The following NINL variants were observed in gnomAD, a reference collection of about 807,000 sequenced individuals.
The protein encoded by NINL is ninein like.
Under a neutral mutation model 160.3 loss-of-function variants are expected in NINL, and 153 were observed. The observed-to-expected ratio is 0.95, with a 90% CI of 0.84 to 1.09. The LOEUF is 1.09. Ranked by LOEUF, NINL falls within the 50% of genes least tolerant of loss-of-function variation. The pLI, the probability that NINL is intolerant of heterozygous loss-of-function variation, is 0.00. For missense variants in NINL, 1,829 were observed against 1,764.0 expected (o/e 1.04, Z -0.66); for synonymous variants, 800 against 734.8 (o/e 1.09, Z -1.43).
At chr20:25,551,337 T>C (rs529635311) in intron 1 of NINL, among the ~76,000 whole-genome samples, 8 of 150,808 alleles carry the variant, frequency 5.3e-5, no homozygotes, top group South Asian at 2.1e-4. Context: ...CCCCACACAT[T>C]CCAGCCTGGG....
chr20:25,479,680 CACA>C (rs905024821), intron 15 of NINL, among the ~76,000 whole-genome samples: 44 of 152,286 alleles, frequency 2.9e-4, no homozygotes, highest in African/African-American at 1.0e-3. Flanking sequence ...GAACTGGACA[CACA>C]ACAAGTCATG....
intron 1 of NINL, among the ~76,000 whole-genome samples, chr20:25,572,301 C>T (rs1695752486): frequency 6.6e-6 from 1 of 151,796 alleles, no homozygotes. Flanking sequence ...AAAAACGGCC[C>T]CAGGAGATTT....
At chr20:25,560,984 CT>C in intron 1 of NINL, among the ~76,000 whole-genome samples, 1 of 129,942 alleles carries the variant, frequency 7.7e-6, no homozygotes, top group Non-Finnish European at 1.7e-5. Flanking sequence ...CCCTCTCTCT[CT>C]CCCTCCTCTC....
chr20:25,579,597 C>T (rs967922066), intron 1 of NINL, among the ~76,000 whole-genome samples: 22 of 152,126 alleles, frequency 1.4e-4, no homozygotes, highest in African/African-American at 2.9e-4. Context: ...TGGAGACAGC[C>T]GGGGGAGGCC....
intron 10 of NINL, 36 bp downstream of exon 10, chr20:25,496,627 C>T (rs755133399): frequency 6.2e-7 from 1 of 1,609,992 alleles, no homozygotes; most frequent in Non-Finnish European, 8.5e-7. Flanking sequence ...CTGGGGAGGC[C>T]CAGGTAAGAA....
At chr20:25,483,960 G>C (rs1242052192) in intron 13 of NINL, among the ~76,000 whole-genome samples, 2 of 152,172 alleles carry the variant, frequency 1.3e-5, no homozygotes, top group Non-Finnish European at 2.9e-5. Flanking sequence ...GATGCCACGG[G>C]ACTTCCAGGA....
Position 25,522,378 on chromosome 20 carries a change from T to C in NINL, c.180+4030A>G, listed in dbSNP as rs143429384. Among the ~76,000 whole-genome samples, 15 of 152,338 alleles carry C rather than the reference T, an allele frequency of 9.8e-5. No homozygotes were observed. The East Asian group carries it at 2.9e-3, about 29-fold the overall frequency. ...AACATCTGAACTGCTTCTTCCTTTTTTTAGGGCTGCAAAAAGATTTCAACA... is the reference window on the plus strand; with the variant it reads ...AACATCTGAACTGCTTCTTCCTTTTCTTAGGGCTGCAAAAAGATTTCAACA... On this transcript the variant is annotated intron_variant, in intron 2 of 23. Transcript: ENST00000278886.
In NINL at chr20:25,476,859, AGCTCCAAC is replaced by A. The variant is rs2063264437; in HGVS notation, c.2424_2431del (p.Glu808AspfsTer55). 1.2e-6 allele frequency: 2 copies of A among 1,613,270 alleles called. No individual in the cohort carries two copies. Among genetic ancestry groups the A allele is most frequent in the African/African-American group, 2.7e-5 (2 of 74,914 alleles). On this transcript the variant is annotated frameshift_variant, in exon 17 of 24. Coordinates refer to ENST00000278886, the MANE Select transcript of NINL (RefSeq NM_025176.6). LOFTEE classifies it high-confidence loss of function. ...CCCGTCCACTCGCTTCCCGCGGGCA[AGCTCCAAC>A]TCCTCCTCCTCGAGGGCCAACGATA...
chr20:25,566,171 G>C (rs1568970298), intron 1 of NINL, among the ~76,000 whole-genome samples: 1 of 152,142 alleles, frequency 6.6e-6, no homozygotes, highest in Non-Finnish European at 1.5e-5. Context: ...GGTCTCTCTG[G>C]AGAACCCTCA....
chr20:25,573,186 A>G (rs1379380743), intron 1 of NINL, among the ~76,000 whole-genome samples: 2 of 151,768 alleles, frequency 1.3e-5, no homozygotes, highest in African/African-American at 4.8e-5. Flanking sequence ...AGTGCCAGCT[A>G]CTCGGGAGGC....
At chr20:25,554,636 C>CA (rs747557892) in intron 1 of NINL, among the ~76,000 whole-genome samples, 17 of 85,784 alleles carry the variant, frequency 2.0e-4, no homozygotes, top group African/African-American at 9.8e-4. Flanking sequence ...AAAAAAAAAA[C>CA]AAAAAAAAAA....
intron 4 of NINL, among the ~76,000 whole-genome samples, chr20:25,512,547 G>C (rs994634323): frequency 6.6e-6 from 1 of 152,164 alleles, no homozygotes; most frequent in African/African-American, 2.4e-5. Flanking sequence ...CCACGATTGT[G>C]AGTTTCCTGA....
Position 25,453,466 on chromosome 20 carries a change from T to C in NINL, c.4134A>G (p.Ala1378=). 7.5e-6 allele frequency: 12 copies of C among 1,610,726 alleles called. No individual in the cohort carries two copies. The highest frequency in any genetic ancestry group is 1.0e-5 in the Non-Finnish European group (12 of 1,178,462). Reference sequence around the variant, plus strand: ...TAATCTGTCTTTACACAGAGAGGGCTGCGGGGGCAATCCTACTGACGAGTT... The same window carrying C: ...TAATCTGTCTTTACACAGAGAGGGCCGCGGGGGCAATCCTACTGACGAGTT... ...LNKLVSRIAP[A]ALSV is the part of the protein sequence containing the mutation. Residue 1378 remains alanine, a synonymous_variant, in exon 24 of 24, where the codon GCA becomes GCG. Coordinates refer to ENST00000278886, the MANE Select transcript of NINL (RefSeq NM_025176.6).
chr20:25,556,509 C>T (rs992033571), intron 1 of NINL, among the ~76,000 whole-genome samples: 1 of 152,030 alleles, frequency 6.6e-6, no homozygotes, highest in Non-Finnish European at 1.5e-5. Flanking sequence ...ACTGTATTCC[C>T]AGCTACTTGG....
At chr20:25,505,447 G>A (rs947721736) in intron 5 of NINL, among the ~76,000 whole-genome samples, 3 of 152,188 alleles carry the variant, frequency 2.0e-5, no homozygotes, top group African/African-American at 4.8e-5. Flanking sequence ...TTTGCTAAGA[G>A]AGTCTATCTC....
chr20:25,459,174 T>C (rs1002191812), intron 21 of NINL, among the ~76,000 whole-genome samples: 1 of 152,170 alleles, frequency 6.6e-6, no homozygotes, highest in African/African-American at 2.4e-5. Flanking sequence ...ACGCCACCCC[T>C]TACTCACCTG....
At chr20:25,545,499 G>T in intron 1 of NINL, among the ~76,000 whole-genome samples, 1 of 151,880 alleles carries the variant, frequency 6.6e-6, no homozygotes, top group African/African-American at 2.4e-5. Context: ...TCTGAATGGT[G>T]CCCTCCTCTC....
chr20:25,485,823 TAC>T (rs2063494727), intron 13 of NINL, among the ~76,000 whole-genome samples: 1 of 152,366 alleles, frequency 6.6e-6, no homozygotes, highest in African/African-American at 2.4e-5. Context: ...CAGTGGATTC[TAC>T]AGTGTTCTGT....
At chr20:25,481,211 T>C (rs1461962377) in intron 14 of NINL, among the ~76,000 whole-genome samples, 1 of 152,114 alleles carries the variant, frequency 6.6e-6, no homozygotes, top group Non-Finnish European at 1.5e-5. Context: ...GGGGCTGAGG[T>C]TGCCATGACG....
Sources: allele counts gnomAD v4.1 joint callset (sites outside exome capture counted in the v4.1 genomes callset), GRCh38; gene constraint gnomAD v4.1.1; transcripts MANE v1.5; gene names NCBI Gene and HGNC (gene_info 2026-07-23, HGNC 2026-07-21).